TRHDE: variants seen among roughly 807,000 people sequenced by gnomAD.
TRHDE encodes the protein thyrotropin releasing hormone degrading enzyme, also known as thyrotropin-releasing hormone-degrading ectoenzyme.
A neutral mutation model predicts 125.7 loss-of-function variants in TRHDE; 72 were observed. The observed-to-expected ratio is 0.57, with a 90% CI of 0.47 to 0.70. The LOEUF is 0.70. TRHDE is among the 30% of genes least tolerant of loss of function. The pLI, the probability that TRHDE is intolerant of heterozygous loss-of-function variation, is 0.00. For synonymous variants in TRHDE, 509 were observed against 509.1 expected, an observed-to-expected ratio of 1.00 and a Z score of 0.00; for missense variants, 1,110 against 1,327.1, an observed-to-expected ratio of 0.84 and a Z score of 2.54.
chr12:72,377,560 C>CT (rs1420966882), intron 2 of TRHDE, among the ~76,000 whole-genome samples: 2 of 152,086 alleles, frequency 1.3e-5, no homozygotes, highest in African/African-American at 4.8e-5. Context: ...TATTCTCAGT[C>CT]TGGTAATACT....
chr12:72,211,334 T>C (rs1461978181), intron 2 of TRHDE, among the ~76,000 whole-genome samples: 1 of 152,276 alleles, frequency 6.6e-6, no homozygotes, highest in East Asian at 1.9e-4. Context: ...ATGTAACAGA[T>C]GGAAAAATAT....
At chr12:72,638,394 T>C (rs1426772423) in intron 15 of TRHDE, among the ~76,000 whole-genome samples, 1 of 151,698 alleles carries the variant, frequency 6.6e-6, no homozygotes, top group African/African-American at 2.4e-5. Flanking sequence ...GAGCCTATGT[T>C]TGTCTCTGCA....
rs1442741748 is a variant in TRHDE, at chr12:72,601,871, TTCTTA to T, written c.2322-17018_2322-17014del. 3.3e-5 allele frequency among the ~76,000 whole-genome samples: 5 copies of T among 152,274 alleles called. No individual in the cohort carries two copies. In the East Asian group the frequency reaches 7.7e-4, roughly 24 times the overall value. ...AAACCAAAAAAATTTGTGACTTTCT[TTCTTA>T]TAATACTTGCTTTATTGCGGTATTC... On this transcript the variant is annotated intron_variant, in intron 12 of 18. Coordinates refer to ENST00000261180, the MANE Select transcript of TRHDE (RefSeq NM_013381.3).
chr12:72,657,877 A>G (rs1259344019), intron 18 of TRHDE, among the ~76,000 whole-genome samples: 2 of 152,174 alleles, frequency 1.3e-5, no homozygotes, highest in South Asian at 2.1e-4. Flanking sequence ...ATTGTAAAAT[A>G]TAGCTGATAT....
At chr12:72,570,463 C>A (rs1870663479) in intron 10 of TRHDE, among the ~76,000 whole-genome samples, 1 of 151,578 alleles carries the variant, frequency 6.6e-6, no homozygotes, top group African/African-American at 2.4e-5. Context: ...CACCTATAAT[C>A]CCAGCTACTC....
intron 9 of TRHDE, among the ~76,000 whole-genome samples, chr12:72,567,531 C>T (rs1390300436): frequency 6.6e-6 from 1 of 151,840 alleles, no homozygotes. Context: ...TAGGAAATGC[C>T]CTTCTCTCTC....
intron 3 of TRHDE, among the ~76,000 whole-genome samples, chr12:72,384,092 C>T (rs1872311491): frequency 6.6e-6 from 1 of 152,060 alleles, no homozygotes; most frequent in African/African-American, 2.4e-5. Flanking sequence ...AATTTAGGTG[C>T]ACTATAGTTA....
At chr12:72,361,779 T>C (rs1354481642) in intron 2 of TRHDE, among the ~76,000 whole-genome samples, 1 of 143,612 alleles carries the variant, frequency 7.0e-6, no homozygotes, top group Non-Finnish European at 1.5e-5. Context: ...GATCTCATTG[T>C]TCAATTCCCA....
At chr12:72,319,042 G>C (rs975008082) in intron 2 of TRHDE, among the ~76,000 whole-genome samples, 2 of 152,130 alleles carry the variant, frequency 1.3e-5, no homozygotes, top group African/African-American at 4.8e-5. Context: ...GCTGGACGGT[G>C]TACCATGGCT....
At chr12:72,639,696 C>G (rs1873949224) in intron 15 of TRHDE, among the ~76,000 whole-genome samples, 1 of 151,872 alleles carries the variant, frequency 6.6e-6, no homozygotes, top group Non-Finnish European at 1.5e-5. Context: ...GATGTCCTTT[C>G]TGTTTGTTAG....
chr12:72,363,686 A>C (rs546389847), intron 2 of TRHDE, among the ~76,000 whole-genome samples: 1 of 152,238 alleles, frequency 6.6e-6, no homozygotes, highest in Admixed American at 6.5e-5. Context: ...CATAAACTGG[A>C]AGCATTCCCT....
chr12:72,665,664 T>C lies in TRHDE; in HGVS notation c.*2469T>C, dbSNP rs1310931800. The C allele has an allele frequency of 6.6e-6, 1 of 152,086 alleles. No homozygotes were observed. The highest frequency in any genetic ancestry group is 6.6e-5 in the Admixed American group (1 of 15,240). 9.4% of individuals were successfully genotyped at this position (152,086 alleles called of 1,614,324 possible). ...CTTAGAGTTTTTATCTTTTCTTTTTTGTCGGCTTTACAAATTATATGTATG... is the reference window on the plus strand; with the variant it reads ...CTTAGAGTTTTTATCTTTTCTTTTTCGTCGGCTTTACAAATTATATGTATG... On this transcript the variant is annotated 3_prime_UTR_variant, in exon 19 of 19. Coordinates refer to ENST00000261180, the MANE Select transcript of TRHDE (RefSeq NM_013381.3).
At chr12:72,571,922 T>G (rs1870750719) in intron 10 of TRHDE, among the ~76,000 whole-genome samples, 1 of 150,132 alleles carries the variant, frequency 6.7e-6, no homozygotes, top group African/African-American at 2.4e-5. Context: ...CGTAAAGAGG[T>G]GGCTTTAGAA....
rs1875064941 is a variant in TRHDE at position 72,665,053 on chromosome 12, T to C, written c.*1858T>C. The C allele has an allele frequency of 6.6e-6, 1 of 152,166 alleles. No individual in the cohort carries two copies. The highest frequency in any genetic ancestry group is 1.9e-4 in the East Asian group (1 of 5,172). 9.4% of individuals were successfully genotyped at this position (152,166 alleles called of 1,614,324 possible). A position where few individuals can be genotyped will look rare whatever the true frequency, so the allele number is the denominator to read the frequency against. On this transcript the variant is annotated 3_prime_UTR_variant, in exon 19 of 19. Coordinates refer to ENST00000261180, the MANE Select transcript of TRHDE (RefSeq NM_013381.3). ...AATGATAAAATCCAGTTACCACATATCACGTTTATAAAATCCTTAATTAAA... is the reference window on the plus strand; with the variant it reads ...AATGATAAAATCCAGTTACCACATACCACGTTTATAAAATCCTTAATTAAA...
intron 2 of TRHDE, among the ~76,000 whole-genome samples, chr12:72,212,352 GA>G (rs796369202): frequency 9.0e-5 from 13 of 144,540 alleles, no homozygotes; most frequent in South Asian, 2.2e-4. Context: ...GCAACCAAAG[GA>G]AAAAAAAAAG....
chr12:72,292,754 A>G (rs1880136144), intron 2 of TRHDE, among the ~76,000 whole-genome samples: 1 of 152,228 alleles, frequency 6.6e-6, no homozygotes, highest in South Asian at 2.1e-4. Flanking sequence ...CTAGTCCCAA[A>G]GTCAATGCTA....
In TRHDE at chr12:72,590,148, ATTAC is replaced by A. The variant is rs1436040955; in HGVS notation, c.2321+14609_2321+14612del. Among the ~76,000 whole-genome samples the A allele has an allele frequency of 4.2e-4, 62 of 149,114 alleles. 1 individual carries two copies. Among genetic ancestry groups the A allele is most frequent in the African/African-American group, 1.4e-3 (59 of 40,890 alleles). On this transcript the variant is annotated intron_variant, in intron 12 of 18. Transcript: ENST00000261180. ...TTGAGAAAAATGATTACTCAAGTAT[ATTAC>A]TTTATTTTTTTTGTTTTTATTGATA...
Position 72,664,609 on chromosome 12 carries a change from A to C in TRHDE, c.*1414A>C, listed in dbSNP as rs567122413. The C allele has an allele frequency of 9.2e-5, 14 of 152,232 alleles. No homozygotes were observed. Among genetic ancestry groups the C allele is most frequent in the African/African-American group, 3.1e-4 (13 of 41,564 alleles). 9.4% of individuals were successfully genotyped at this position (152,232 alleles called of 1,614,324 possible). A position where few individuals can be genotyped will look rare whatever the true frequency, so the allele number is the denominator to read the frequency against. On this transcript the variant is annotated 3_prime_UTR_variant, in exon 19 of 19. Coordinates refer to ENST00000261180, the MANE Select transcript of TRHDE (RefSeq NM_013381.3). ...TCCAAACGTTGCTTAGATGCTTCAA[A>C]ATTAGCATATTTTAAGTTTACCAGT...
chr12:72,374,552 G>C (rs1051661092), intron 2 of TRHDE, among the ~76,000 whole-genome samples: 3 of 152,102 alleles, frequency 2.0e-5, no homozygotes, highest in Non-Finnish European at 1.5e-5. Context: ...TGAAACCTGG[G>C]AACCCTCCAA....
Sources: gnomAD v4.1 joint callset for allele counts (sites outside exome capture counted in the v4.1 genomes callset) on GRCh38, gnomAD v4.1.1 for gene constraint, MANE v1.5 for transcripts, NCBI Gene and HGNC (gene_info 2026-07-23, HGNC 2026-07-21) for gene names.